The following C3orf33 variants were observed in gnomAD, a reference collection of about 807,000 sequenced individuals.
C3orf33 encodes the protein mitochondrial inner membrane subdomain organizer 1.
Under a neutral mutation model 28.7 loss-of-function variants are expected in C3orf33, and 23 were observed. The observed-to-expected ratio is 0.80, with a 90% CI of 0.58 to 1.13. The LOEUF (loss-of-function observed/expected upper bound fraction) is 1.13, where lower values mean the gene tolerates loss of function less well. Ranked by LOEUF, C3orf33 falls within the 50% of genes most tolerant of loss-of-function variation. The probability of loss-of-function intolerance (pLI) is 0.00; values close to 1 mark genes in which losing one functional copy is unlikely to be tolerated. For synonymous variants in C3orf33, 119 were observed against 120.5 expected (o/e 0.99, Z 0.08); for missense variants, 327 against 353.4 (o/e 0.93, Z 0.60).
Position 155,767,611 on chromosome 3 carries a change from C to T in C3orf33, c.381G>A (p.Gly127=), listed in dbSNP as rs779527628. 1 of 1,591,346 alleles carries T rather than the reference C, an allele frequency of 6.3e-7. No individual in the cohort carries two copies. The highest frequency in any genetic ancestry group is 8.6e-7 in the Non-Finnish European group (1 of 1,166,160). ...KLAGVELAET[G]KAWLQKELKP... ...TTAGCTCTTTTTGTAACCATGCCTTCCCAGTTTCAGCGAGTTCTACTCCAG... is the reference window on the plus strand; with the variant it reads ...TTAGCTCTTTTTGTAACCATGCCTTTCCAGTTTCAGCGAGTTCTACTCCAG... The change falls in exon 4 of 5, where the codon GGG becomes GGA. Residue 127 remains glycine, a synonymous_variant. Transcript: ENST00000340171.
rs1244483462 is a variant in C3orf33 at position 155,763,490 on chromosome 3, AGGTT to A, written c.*23_*26del. On this transcript the variant is annotated 3_prime_UTR_variant, in exon 5 of 5. Transcript: ENST00000340171. ...ATTTACATATTTCACTCTTTGGAGA[AGGTT>A]ACCTCTAGATTTCTTGACCGTTTCA... 1.2e-5 allele frequency: 17 copies of A among 1,440,094 alleles called. No individual in the cohort carries two copies. The East Asian group carries it at 4.2e-4, about 36-fold the overall frequency. The allele number at this position is 1,440,094 out of a possible 1,614,324, so 89.2% of individuals were successfully genotyped here.
intron 2 of C3orf33, among the ~76,000 whole-genome samples, chr3:155,793,897 A>G (rs1019564421): frequency 4.6e-5 from 7 of 151,602 alleles, no homozygotes; most frequent in African/African-American, 1.7e-4. Flanking sequence ...AAATAGAGAC[A>G]TAAAGTTTAA....
intron 2 of C3orf33, 23 bp downstream of exon 2, chr3:155,802,509 G>A: frequency 6.3e-7 from 1 of 1,581,976 alleles, no homozygotes; most frequent in Admixed American, 1.7e-5. Context: ...TTGTTGTAAT[G>A]TCTTTTTCAT....
chr3:155,786,511 A>G (rs1751119369), intron 2 of C3orf33, among the ~76,000 whole-genome samples: 1 of 152,134 alleles, frequency 6.6e-6, no homozygotes. Context: ...GATAACATAG[A>G]TGAAATGGAT....
chr3:155,792,752 C>T (rs1308579375), intron 2 of C3orf33, among the ~76,000 whole-genome samples: 2 of 151,602 alleles, frequency 1.3e-5, no homozygotes, highest in African/African-American at 4.8e-5. Context: ...AAAGAATTAG[C>T]AAGTCTGAGG....
intron 1 of C3orf33, among the ~76,000 whole-genome samples, chr3:155,804,764 T>C (rs1265417937): frequency 2.0e-5 from 3 of 152,194 alleles, no homozygotes; most frequent in African/African-American, 7.2e-5. Flanking sequence ...TGAGATGTTA[T>C]TCAAGCCCAC....
At chr3:155,803,746 G>A (rs1161074169) in intron 1 of C3orf33, among the ~76,000 whole-genome samples, 1 of 148,272 alleles carries the variant, frequency 6.7e-6, no homozygotes, top group East Asian at 2.0e-4. Context: ...GCTGGACGTG[G>A]TAGCACACAT....
chr3:155,792,270 T>A (rs1751338073), intron 2 of C3orf33, among the ~76,000 whole-genome samples: 1 of 152,206 alleles, frequency 6.6e-6, no homozygotes. Context: ...GGGCTTGGGA[T>A]GCCCCCTAAT....
chr3:155,775,638 TA>T (rs1233521026), intron 3 of C3orf33, 62 bp downstream of exon 3: 3 of 1,169,392 alleles, frequency 2.6e-6, no homozygotes, highest in Non-Finnish European at 3.6e-6. Flanking sequence ...TGCTATTTTA[TA>T]AATAACTTCT....
Position 155,768,914 on chromosome 3 carries a change from T to G in C3orf33, c.323-1245A>C, listed in dbSNP as rs143216851. Among the ~76,000 whole-genome samples, 700 of 152,178 alleles carry G rather than the reference T, an allele frequency of 4.6e-3. 10 individuals are homozygous for G. Among genetic ancestry groups the G allele is most frequent in the African/African-American group, 0.016 (653 of 41,530 alleles). Reference sequence around the variant, plus strand: ...AAGAAGGTCAGGTGCAGTGCCTCACTCCTGTAATCCCAGCACTTTGGGAGG... The same window carrying G: ...AAGAAGGTCAGGTGCAGTGCCTCACGCCTGTAATCCCAGCACTTTGGGAGG... On this transcript the variant is annotated intron_variant, in intron 3 of 4. Coordinates refer to ENST00000340171, the MANE Select transcript of C3orf33 (RefSeq NM_001308229.2).
At chr3:155,806,103 C>G (rs1277393141) in intron 1 of C3orf33, 36 bp downstream of exon 1, 1 of 1,344,448 alleles carries the variant, frequency 7.4e-7, no homozygotes, top group East Asian at 2.9e-5. Context: ...TGCCGCCCCG[C>G]GCCCACCACC....
chr3:155,805,802 G>A, intron 1 of C3orf33: 1 of 490,322 alleles, frequency 2.0e-6, no homozygotes, highest in Non-Finnish European at 3.9e-6. Flanking sequence ...GCTCTTCCTC[G>A]GTCTCCTCTC....
Position 155,767,504 on chromosome 3 carries a change from C to A in C3orf33, c.483+5G>T. On this transcript the variant is annotated splice_donor_5th_base_variant and intron_variant, in intron 4 of 4. Transcript: ENST00000340171. ...TATTGCTAGTTATTTCTTCACATTG[C>A]TTACCTTACTCACCAGAAGATAGCA... The A allele has an allele frequency of 2.0e-6, 3 of 1,525,344 alleles. No homozygotes were observed. Among genetic ancestry groups the A allele is most frequent in the Non-Finnish European group, 2.7e-6 (3 of 1,126,814 alleles). The allele number at this position is 1,525,344 out of a possible 1,614,324, so 94.5% of individuals were successfully genotyped here.
intron 2 of C3orf33, among the ~76,000 whole-genome samples, chr3:155,790,536 G>A (rs534679711): frequency 6.6e-6 from 1 of 152,162 alleles, no homozygotes; most frequent in African/African-American, 2.4e-5. Context: ...CCAAAAATCA[G>A]GTGAGCAATC....
chr3:155,782,125 G>A (rs1223908340), intron 2 of C3orf33, among the ~76,000 whole-genome samples: 2 of 147,678 alleles, frequency 1.4e-5, no homozygotes, highest in African/African-American at 2.5e-5. Context: ...CCGAGATCAT[G>A]CCAATGCACT....
chr3:155,779,565 G>A (rs1024668624), intron 2 of C3orf33, among the ~76,000 whole-genome samples: 1 of 152,146 alleles, frequency 6.6e-6, no homozygotes, highest in African/African-American at 2.4e-5. Flanking sequence ...AAAGCGCTGG[G>A]ATTACAGGCG....
chr3:155,786,982 T>G (rs1196285645), intron 2 of C3orf33, among the ~76,000 whole-genome samples: 1 of 152,214 alleles, frequency 6.6e-6, no homozygotes, highest in East Asian at 1.9e-4. Context: ...GCATCACTGG[T>G]CAATTCTACC....
At chr3:155,783,213 G>A (rs1413220522) in intron 2 of C3orf33, among the ~76,000 whole-genome samples, 2 of 150,598 alleles carry the variant, frequency 1.3e-5, no homozygotes, top group African/African-American at 4.9e-5. Flanking sequence ...GGAATGCAGT[G>A]GCACAATCTC....
chr3:155,770,962 C>CTGTGTGTGTGTGTGTGTGTGTGTG (rs3068982), intron 3 of C3orf33, among the ~76,000 whole-genome samples: 19 of 129,994 alleles, frequency 1.5e-4, no homozygotes, highest in African/African-American at 5.1e-4. Flanking sequence ...GCATGAACCA[C>CTGTGTGTGTGTGTGTGTGTGTGTG]TGTGTGTGTG....
Sources: allele counts gnomAD v4.1 joint callset (sites outside exome capture counted in the v4.1 genomes callset), GRCh38; gene constraint gnomAD v4.1.1; transcripts MANE v1.5; gene names NCBI Gene and HGNC (gene_info 2026-07-23, HGNC 2026-07-21).